Variants in PIK3AP1 observed in about 807,000 individuals in gnomAD.
PIK3AP1 encodes the protein phosphoinositide-3-kinase adaptor protein 1.
Under a neutral mutation model 88.1 loss-of-function variants are expected in PIK3AP1, and 21 were observed. The ratio of observed to expected loss-of-function variants is 0.24; its 90% CI spans 0.17 to 0.34. The LOEUF is 0.34. PIK3AP1 is among the 10% of genes least tolerant of loss of function. The pLI is 1.00. For missense variants in PIK3AP1, 828 were observed against 1,035.7 expected (o/e 0.80, Z 2.75); for synonymous variants, 398 against 400.0 (o/e 1.00, Z 0.06).
intron 2 of PIK3AP1, among the ~76,000 whole-genome samples, chr10:96,696,647 A>C (rs622228): frequency 0.065 from 9,958 of 152,224 alleles, 1,075 homozygotes; most frequent in African/African-American, 0.22. Flanking sequence ...ATGAACCCAC[A>C]TGCATAAATC....
At chr10:96,682,678 C>T (rs893233287) in intron 2 of PIK3AP1, among the ~76,000 whole-genome samples, 3 of 152,104 alleles carry the variant, frequency 2.0e-5, no homozygotes, top group African/African-American at 4.8e-5. Context: ...GCTTTTTAGC[C>T]ACTTCACCAA....
rs761563569 is a variant in PIK3AP1 at position 96,620,500 on chromosome 10, G to A, written c.1793C>T (p.Ala598Val). Residue 598 changes from alanine (A) to valine (V), a missense_variant, in exon 12 of 17, where the codon GCG becomes GTG. By Grantham distance (64) the Ala-to-Val change is moderately conservative. Around this residue, in one of 3 missense-constraint regions of PIK3AP1, gnomAD observed 27 missense variants for 67.1 expected, o/e 0.40. Transcript: ENST00000339364. ...RPQSSIYDPF[A>V]GMKTPGQRQL... ...CCGCTGGCCTGGCGTTTTCATTCCCGCAAAAGGGTCATATATACTCGACTG... is the reference window on the plus strand; with the variant it reads ...CCGCTGGCCTGGCGTTTTCATTCCCACAAAAGGGTCATATATACTCGACTG... The A allele has an allele frequency of 8.7e-6, 14 of 1,613,886 alleles. No individual in the cohort carries two copies. The highest frequency in any genetic ancestry group is 4.0e-5 in the African/African-American group (3 of 74,994).
chr10:96,708,168 G>A (rs1438724237), intron 2 of PIK3AP1, among the ~76,000 whole-genome samples: 3 of 152,136 alleles, frequency 2.0e-5, no homozygotes, highest in Non-Finnish European at 4.4e-5. Context: ...GTTAAATCAG[G>A]ACCATAATTT....
At chr10:96,685,861 G>T (rs1416125924) in intron 2 of PIK3AP1, among the ~76,000 whole-genome samples, 2 of 152,288 alleles carry the variant, frequency 1.3e-5, no homozygotes, top group Admixed American at 6.5e-5. Flanking sequence ...GTAAGTCCCA[G>T]ATGCTGAAAC....
chr10:96,595,986 T>C (rs559489980), intron 16 of PIK3AP1, among the ~76,000 whole-genome samples: 1 of 152,192 alleles, frequency 6.6e-6, no homozygotes, highest in South Asian at 2.1e-4. Context: ...TTTTGCCATC[T>C]TGGGGCCTTG....
At chr10:96,649,633 C>T (rs11596923) in intron 6 of PIK3AP1, among the ~76,000 whole-genome samples, 4,542 of 152,334 alleles carry the variant, frequency 0.03, 109 homozygotes, top group Middle Eastern at 0.071. Context: ...TGGGTATGTT[C>T]CTTAGACTTT....
At chr10:96,694,264 T>C (rs1844191538) in intron 2 of PIK3AP1, among the ~76,000 whole-genome samples, 1 of 152,160 alleles carries the variant, frequency 6.6e-6, no homozygotes, top group South Asian at 2.1e-4. Flanking sequence ...ATCTGACTTT[T>C]TCATCAAGTC....
At chr10:96,672,663 G>A (rs1843863427) in intron 2 of PIK3AP1, among the ~76,000 whole-genome samples, 1 of 151,274 alleles carries the variant, frequency 6.6e-6, no homozygotes, top group Non-Finnish European at 1.5e-5. Flanking sequence ...AAACATCTGA[G>A]GCTGCCATGA....
intron 2 of PIK3AP1, among the ~76,000 whole-genome samples, chr10:96,698,158 G>A (rs1379969519): frequency 6.6e-6 from 1 of 152,178 alleles, no homozygotes; most frequent in African/African-American, 2.4e-5. Context: ...CAGGAGCTCC[G>A]TTTCATTAGT....
In PIK3AP1 at chr10:96,633,147, A is replaced by G. The variant is rs570761034; in HGVS notation, c.1376-4654T>C. ...GAGGTATGCCAGAGTCAATGCCCTC[A>G]GGAAAGCCCAAAGAATGCTGTCCCT... On this transcript the variant is annotated intron_variant, in intron 8 of 16. Coordinates refer to ENST00000339364, the MANE Select transcript of PIK3AP1 (RefSeq NM_152309.3). 1.4e-4 allele frequency: 193 copies of G among 1,403,380 alleles called. 1 individual carries two copies. The African/African-American group carries it at 2.6e-3, about 19-fold the overall frequency. The allele number at this position is 1,403,380 out of a possible 1,614,324, so 86.9% of individuals were successfully genotyped here. A position where few individuals can be genotyped will look rare whatever the true frequency, so the allele number is the denominator to read the frequency against.
In PIK3AP1 at chr10:96,642,469, AAAG is replaced by A. The variant is rs1564966720; in HGVS notation, c.1375+3001_1375+3003del. On this transcript the variant is annotated intron_variant, in intron 8 of 16. Coordinates refer to ENST00000339364, the MANE Select transcript of PIK3AP1 (RefSeq NM_152309.3). ...CAGAAAGAAAGAAAGAAAAAAAGAGAAAGAAAGAAAGAAAGAAAGGTAGAAAGA... is the reference window on the plus strand; with the variant it reads ...CAGAAAGAAAGAAAGAAAAAAAGAGAAAAGAAAGAAAGAAAGGTAGAAAGA... Among the ~76,000 whole-genome samples the A allele has an allele frequency of 3.5e-3, 534 of 150,840 alleles. 5 individuals carry two copies. Among genetic ancestry groups the A allele is most frequent in the African/African-American group, 0.012 (485 of 41,054 alleles).
chr10:96,669,299 T>C (rs762678771), intron 2 of PIK3AP1, among the ~76,000 whole-genome samples: 1 of 152,168 alleles, frequency 6.6e-6, no homozygotes, highest in African/African-American at 2.4e-5. Context: ...AAACAGCTAT[T>C]TTTCAAAGCC....
intron 3 of PIK3AP1, among the ~76,000 whole-genome samples, chr10:96,654,454 T>G (rs922417579): frequency 6.6e-6 from 1 of 152,038 alleles, no homozygotes; most frequent in African/African-American, 2.4e-5. Flanking sequence ...ACACGTGATG[T>G]GGGGGGTGAT....
intron 2 of PIK3AP1, among the ~76,000 whole-genome samples, chr10:96,688,325 A>G (rs1844103134): frequency 6.6e-6 from 1 of 152,206 alleles, no homozygotes; most frequent in South Asian, 2.1e-4. Context: ...GGGCGAGGAT[A>G]AGTCACAGGA....
At chr10:96,657,657 T>TTGTGTGTGTG (rs10644854) in intron 2 of PIK3AP1, among the ~76,000 whole-genome samples, 2 of 149,530 alleles carry the variant, frequency 1.3e-5, no homozygotes, top group African/African-American at 2.5e-5. Context: ...GTGTGCAAGA[T>TTGTGTGTGTG]TGTGTGTGTG....
At chr10:96,648,948 G>A (rs745621680) in intron 6 of PIK3AP1, 93 bp from the exon 7 acceptor site, 14 of 1,066,482 alleles carry the variant, frequency 1.3e-5, no homozygotes, top group Non-Finnish European at 1.7e-5. Context: ...GACTAGCATG[G>A]CAACAGAAAG....
At chr10:96,634,622 CA>C (rs1223017598) in intron 8 of PIK3AP1, among the ~76,000 whole-genome samples, 1 of 152,130 alleles carries the variant, frequency 6.6e-6, no homozygotes, top group African/African-American at 2.4e-5. Context: ...TCATTGGGGC[CA>C]CAGGAGACAA....
intron 2 of PIK3AP1, among the ~76,000 whole-genome samples, chr10:96,705,888 T>G (rs952004089): frequency 2.4e-5 from 3 of 125,050 alleles, no homozygotes; most frequent in Non-Finnish European, 3.4e-5. Context: ...CCAGTTGTTT[T>G]TTTTTTTTTT....
chr10:96,652,304 G>C (rs376586778), intron 4 of PIK3AP1, among the ~76,000 whole-genome samples: 1 of 152,214 alleles, frequency 6.6e-6, no homozygotes, highest in Non-Finnish European at 1.5e-5. Flanking sequence ...GCTGGGTGCC[G>C]TGGCTCACGC....
Sources: allele counts gnomAD v4.1 joint callset (sites outside exome capture counted in the v4.1 genomes callset), GRCh38; gene constraint gnomAD v4.1.1; regional missense constraint gnomAD v4.1.1; transcripts MANE v1.5; gene names NCBI Gene and HGNC (gene_info 2026-07-23, HGNC 2026-07-21).